Variants in USP9Y observed in about 807,000 individuals in gnomAD.
USP9Y encodes the protein ubiquitin carboxyl-terminal hydrolase 9Y.
USP9Y carries 41 observed loss-of-function variants against 53.1 expected under a neutral mutation model. The ratio of observed to expected loss-of-function variants is 0.77; its 90% CI spans 0.60 to 1.00. USP9Y has a LOEUF of 1.00. USP9Y is among the 50% of genes least tolerant of loss of function. The pLI, the probability that USP9Y is intolerant of heterozygous loss-of-function variation, is 0.00. For synonymous variants in USP9Y, 220 were observed against 173.7 expected (o/e 1.27, Z -2.09); for missense variants, 567 against 535.8 (o/e 1.06, Z -0.58).
intron 12 of USP9Y, among the ~76,000 whole-genome samples, chrY:12,741,011 C>T (rs2148282341): frequency 3.1e-5 from 1 of 32,271 alleles, no homozygotes; most frequent in African/African-American, 1.2e-4. Flanking sequence ...GTCAGGAGTT[C>T]GAGACCACCT....
chrY:12,717,855 T>G (rs2053432324), intron 3 of USP9Y, among the ~76,000 whole-genome samples: 1 of 33,038 alleles, frequency 3.0e-5, no homozygotes, highest in African/African-American at 1.2e-4. Flanking sequence ...ATAGGTAAGA[T>G]TCAGTGGTCT....
At chrY:12,768,725 A>G (rs2053482442) in intron 15 of USP9Y, among the ~76,000 whole-genome samples, 10 of 32,930 alleles carry the variant, frequency 3.0e-4, no homozygotes, top group Admixed American at 2.6e-3. Flanking sequence ...ATCCATATAT[A>G]TTAATGAGTA....
chrY:12,726,655 A>C lies in USP9Y; in HGVS notation c.519A>C (p.Glu173Asp). The change falls in exon 7 of 46, where the codon GAA becomes GAC. Residue 173 changes from glutamate to aspartate, a missense_variant. Coordinates refer to ENST00000338981, the MANE Select transcript of USP9Y (RefSeq NM_004654.4). ...CCCAAGATTGGTTTCCACTTCTAGA[A>C]CTTCTCGCCATGGCCTTAAATCCTC... ...KLSQDWFPLL[E>D]LLAMALNPHC... 5.0e-6 allele frequency: 2 copies of C among 397,842 alleles called. No homozygotes were observed. The highest frequency in any genetic ancestry group is 7.1e-6 in the Non-Finnish European group (2 of 283,116).
In USP9Y at chrY:12,786,585, G is replaced by A; in HGVS notation, c.3346G>A (p.Val1116Ile). 2 of 393,982 alleles carry A rather than the reference G, an allele frequency of 5.1e-6. No homozygotes were observed. The highest frequency in any genetic ancestry group is 7.1e-6 in the Non-Finnish European group (2 of 282,224). Residue 1116 changes from valine (V) to isoleucine (I), a missense_variant, in exon 24 of 46, where the codon GTT (valine) becomes ATT (isoleucine). Transcript: ENST00000338981. Reference sequence around the variant, plus strand: ...AACTGATGGGTCCTCTGACTTTCAAGTTCACTTCTTGAAAAGTGGTGGCTT... The same window carrying A: ...AACTGATGGGTCCTCTGACTTTCAAATTCACTTCTTGAAAAGTGGTGGCTT... ...PLTDGSSDFQ[V>I]HFLKSGGLPL...
At chrY:12,728,387 T>C (rs1603196479) in intron 7 of USP9Y, among the ~76,000 whole-genome samples, 4 of 31,296 alleles carry the variant, frequency 1.3e-4, no homozygotes, top group African/African-American at 2.5e-4. Flanking sequence ...ATAGATGAGT[T>C]TGGATATGTT....
At chrY:12,781,603 A>G (rs2053498503) in intron 22 of USP9Y, among the ~76,000 whole-genome samples, 1 of 34,104 alleles carries the variant, frequency 2.9e-5, no homozygotes, top group East Asian at 7.6e-4. Context: ...TGCGTTATCA[A>G]CTAAGCTTAT....
At position 12,776,843 on chromosome Y, in the gene USP9Y, G is replaced by A; in HGVS notation, c.2622G>A (p.Met874Ile). 1 of 395,129 alleles carries A rather than the reference G, an allele frequency of 2.5e-6. No individual in the cohort carries two copies. The highest frequency in any genetic ancestry group is 3.6e-6 in the Non-Finnish European group (1 of 280,372). Reference protein sequence around the residue: ...ECDSDYHKERMILPMSRAFRG... With the variant: ...ECDSDYHKERIILPMSRAFRG... ...ACAGTGATTATCACAAGGAAAGAATGATTCTACCTATGTCGAGGTTTGTGT... is the reference window on the plus strand; with the variant it reads ...ACAGTGATTATCACAAGGAAAGAATAATTCTACCTATGTCGAGGTTTGTGT... The change falls in exon 19 of 46, where the codon ATG (methionine) becomes ATA (isoleucine). Residue 874 changes from methionine (M) to isoleucine (I), a missense_variant. Coordinates refer to ENST00000338981, the MANE Select transcript of USP9Y (RefSeq NM_004654.4).
chrY:12,846,727 T>C (rs544836575), intron 40 of USP9Y, among the ~76,000 whole-genome samples: 9 of 33,792 alleles, frequency 2.7e-4, no homozygotes, highest in African/African-American at 1.0e-3. Flanking sequence ...TGATATCTTA[T>C]GAAATGCTTA....
At chrY:12,820,792 T>C (rs534276489) in intron 33 of USP9Y, among the ~76,000 whole-genome samples, 1 of 33,764 alleles carries the variant, frequency 3.0e-5, no homozygotes, top group Admixed American at 2.8e-4. Flanking sequence ...CATAATTATA[T>C]ACATTATAGA....
chrY:12,722,211 A>G, intron 5 of USP9Y, 24 bp downstream of exon 5: 1 of 352,111 alleles, frequency 2.8e-6, no homozygotes, highest in Non-Finnish European at 4.1e-6. Flanking sequence ...TACATTTTCT[A>G]TAATACGTGC....
At chrY:12,765,408 T>C in intron 15 of USP9Y, among the ~76,000 whole-genome samples, 1 of 32,773 alleles carries the variant, frequency 3.1e-5, no homozygotes, top group Non-Finnish European at 7.5e-5. Context: ...TTGTCATGTT[T>C]CAAAAAATGT....
At chrY:12,727,045 T>C (rs2053443414) in intron 7 of USP9Y, among the ~76,000 whole-genome samples, 1 of 33,400 alleles carries the variant, frequency 3.0e-5, no homozygotes, top group Non-Finnish European at 7.4e-5. Flanking sequence ...TGGAGCATAG[T>C]GTTTGTGTTT....
intron 17 of USP9Y, 49 bp downstream of exon 17, chrY:12,773,974 A>G: frequency 3.4e-6 from 1 of 296,055 alleles, no homozygotes; most frequent in Non-Finnish European, 5.0e-6. Flanking sequence ...ACCTGAGGTT[A>G]CTTTTTAAAA....
At position 12,856,825 on chromosome Y, in the gene USP9Y, T is replaced by A. The variant is rs1264588214; in HGVS notation, c.7414T>A (p.Cys2472Ser). Residue 2472 changes from cysteine to serine, a missense_variant, in exon 44 of 46, where the codon TGT becomes AGT. Transcript: ENST00000338981. The part of the protein sequence containing the change: ...HSARMTLAKA[C>S]ELCPEEEPDD... ...TGCTAGGATGACACTTGCAAAAGCT[T>A]GTGAACTCTGTCCAGAAGAGGTAAA... The A allele has an allele frequency of 2.5e-6, 1 of 393,651 alleles. No homozygotes were observed. The highest frequency in any genetic ancestry group is 3.0e-5 in the South Asian group (1 of 33,097).
chrY:12,775,472 T>C lies in USP9Y; in HGVS notation c.2333T>C (p.Val778Ala), dbSNP rs2053491566. ...ELIGLDYLWR[V>A]VIQSSDEIAN... Reference sequence around the variant, plus strand: ...ATACTGTAATATTTTTGGAACCAGGTTGTGATTCAGAGTAGTGACGAGATT... The same window carrying C: ...ATACTGTAATATTTTTGGAACCAGGCTGTGATTCAGAGTAGTGACGAGATT... The change falls in exon 18 of 46, where the codon GTT (valine) becomes GCT (alanine). Residue 778 changes from valine to alanine, a missense_variant and splice_region_variant. Physicochemically the swap from Val to Ala is moderately conservative, Grantham distance 64. Coordinates refer to ENST00000338981, the MANE Select transcript of USP9Y (RefSeq NM_004654.4). 2.6e-6 allele frequency: 1 copy of C among 389,246 alleles called. No homozygotes were observed. Among genetic ancestry groups the C allele is most frequent in the Non-Finnish European group, 3.6e-6 (1 of 277,885 alleles).
At chrY:12,756,832 G>C in intron 12 of USP9Y, among the ~76,000 whole-genome samples, 1 of 33,722 alleles carries the variant, frequency 3.0e-5, no homozygotes, top group African/African-American at 1.2e-4. Flanking sequence ...TTTGCTTTTT[G>C]TTGTAAAATG....
intron 18 of USP9Y, 36 bp downstream of exon 18, chrY:12,775,602 T>C (rs752998601): frequency 3.6e-6 from 1 of 278,172 alleles, no homozygotes; most frequent in Admixed American, 8.4e-5. Context: ...TCCACAACAA[T>C]TGGGTTAAGT....
At chrY:12,855,896 A>C in intron 42 of USP9Y, among the ~76,000 whole-genome samples, 1 of 32,073 alleles carries the variant, frequency 3.1e-5, no homozygotes, top group Non-Finnish European at 7.6e-5. Flanking sequence ...ACAGTGAGCC[A>C]CAAACTACAA....
intron 7 of USP9Y, among the ~76,000 whole-genome samples, chrY:12,733,717 T>C (rs2053449169): frequency 3.2e-5 from 1 of 31,437 alleles, no homozygotes; most frequent in African/African-American, 1.3e-4. Flanking sequence ...TTCACCATGT[T>C]GACCAGGCAT....
Sources: allele counts gnomAD v4.1 joint callset (sites outside exome capture counted in the v4.1 genomes callset), GRCh38; gene constraint gnomAD v4.1.1; transcripts MANE v1.5; gene names NCBI Gene and HGNC (gene_info 2026-07-23, HGNC 2026-07-21).